The following CBLN2 variants were observed in gnomAD, a reference collection of about 807,000 sequenced individuals.
CBLN2 encodes the protein cerebellin 2 precursor, also known as cerebellin-2.
A neutral mutation model predicts 15.0 loss-of-function variants in CBLN2; 7 were observed. The ratio of observed to expected loss-of-function variants is 0.47; its 90% CI spans 0.27 to 0.88. The LOEUF (loss-of-function observed/expected upper bound fraction) is 0.88, where lower values mean the gene tolerates loss of function less well. CBLN2 is among the 40% of genes least tolerant of loss of function. The pLI, the probability that CBLN2 is intolerant of heterozygous loss-of-function variation, is 0.14. For missense variants in CBLN2, 242 were observed against 304.5 expected (o/e 0.79, Z 1.53); for synonymous variants, 149 against 135.2 (o/e 1.10, Z -0.71).
At chr18:72,565,889 G>A (rs1197710288) in intron 1 of CBLN2, among the ~76,000 whole-genome samples, 3 of 152,076 alleles carry the variant, frequency 2.0e-5, no homozygotes, top group African/African-American at 7.2e-5. Context: ...CCTATAGAAT[G>A]GGAGAATATA....
chr18:72,594,925 T>A (rs535169706), intron 1 of CBLN2, among the ~76,000 whole-genome samples: 1 of 152,094 alleles, frequency 6.6e-6, no homozygotes, highest in South Asian at 2.1e-4. Flanking sequence ...TCTTCACTTC[T>A]TAGTCTTGGT....
intron 1 of CBLN2, among the ~76,000 whole-genome samples, chr18:72,596,882 T>C (rs2069517274): frequency 6.6e-6 from 1 of 152,174 alleles, no homozygotes. Flanking sequence ...GAATAGCAAA[T>C]GCCTTGGTAG....
At chr18:72,586,413 G>A (rs1351307283) in intron 1 of CBLN2, among the ~76,000 whole-genome samples, 2 of 152,146 alleles carry the variant, frequency 1.3e-5, no homozygotes, top group Non-Finnish European at 2.9e-5. Context: ...TACCAACACT[G>A]TTATGTCCAA....
chr18:72,637,568 T>C (rs1396394807), intron 1 of CBLN2, among the ~76,000 whole-genome samples: 1 of 152,220 alleles, frequency 6.6e-6, no homozygotes, highest in African/African-American at 2.4e-5. Flanking sequence ...AAGACTTTTC[T>C]TGTCAACACA....
chr18:72,611,342 C>A (rs1008394146), intron 1 of CBLN2, among the ~76,000 whole-genome samples: 2 of 152,138 alleles, frequency 1.3e-5, no homozygotes, highest in African/African-American at 2.4e-5. Flanking sequence ...TGGTCTGAAC[C>A]AATTGACATT....
chr18:72,595,640 C>T (rs548802347), intron 1 of CBLN2, among the ~76,000 whole-genome samples: 25 of 152,126 alleles, frequency 1.6e-4, no homozygotes, highest in Middle Eastern at 3.4e-3. Flanking sequence ...GGGCTGTTGT[C>T]GTACTGGGGT....
In CBLN2 at chr18:72,538,086, G is replaced by A. The variant is rs900616251; in HGVS notation, c.*90C>T. ...ACAGTCTGACGGAGGTTGGAAACAA[G>A]GTGTCCAATTCCAGTAAGTTCAGGG... On this transcript the variant is annotated 3_prime_UTR_variant, in exon 5 of 5. Coordinates refer to ENST00000269503, the MANE Select transcript of CBLN2 (RefSeq NM_182511.4). The A allele has an allele frequency of 3.2e-6, 4 of 1,257,522 alleles. No individual in the cohort carries two copies. Among genetic ancestry groups the A allele is most frequent in the Non-Finnish European group, 4.6e-6 (4 of 866,418 alleles). The allele number at this position is 1,257,522 out of a possible 1,614,324, so 77.9% of individuals were successfully genotyped here.
Position 72,541,941 on chromosome 18 carries a change from C to T in CBLN2, c.220G>A (p.Ala74Thr), listed in dbSNP as rs2069115712. 6.2e-7 allele frequency: 1 copy of T among 1,608,016 alleles called. No homozygotes were observed. The highest frequency in any genetic ancestry group is 8.5e-7 in the Non-Finnish European group (1 of 1,179,532). The change falls in exon 3 of 5, where the codon GCG becomes ACG. Residue 74 changes from alanine (A) to threonine (T), a missense_variant. Around this residue, in one of 4 missense-constraint regions of CBLN2, gnomAD observed 89 missense variants for 114.2 expected, o/e 0.78. Coordinates refer to ENST00000269503, the MANE Select transcript of CBLN2 (RefSeq NM_182511.4). ...CLVVCDSSPS[A>T]DGAVTSSLGI... ...AGGGAGGAGGTGACGGCGCCGTCCG[C>T]CGACGGGCTGGAGTCGCACACCACC...
intron 1 of CBLN2, among the ~76,000 whole-genome samples, chr18:72,605,077 TAA>T (rs2069574559): frequency 1.3e-5 from 2 of 152,238 alleles, no homozygotes; most frequent in Admixed American, 1.3e-4. Flanking sequence ...TTGTCATATC[TAA>T]ACACTTGACC....
chr18:72,559,927 C>G (rs2069249479), intron 1 of CBLN2, among the ~76,000 whole-genome samples: 1 of 152,212 alleles, frequency 6.6e-6, no homozygotes, highest in Non-Finnish European at 1.5e-5. Context: ...CTCGGTGACA[C>G]TTGTTAATTT....
intron 1 of CBLN2, among the ~76,000 whole-genome samples, chr18:72,574,816 AC>A (rs2069354323): frequency 6.6e-6 from 1 of 152,242 alleles, no homozygotes; most frequent in South Asian, 2.1e-4. Context: ...TGTCATGATT[AC>A]CATGAATCGC....
intron 1 of CBLN2, among the ~76,000 whole-genome samples, chr18:72,614,995 G>A (rs932162589): frequency 2.1e-5 from 3 of 144,040 alleles, no homozygotes; most frequent in Non-Finnish European, 3.0e-5. Context: ...ACATAACATA[G>A]GTGGGCTGTT....
At chr18:72,606,980 C>T (rs535763350) in intron 1 of CBLN2, among the ~76,000 whole-genome samples, 1 of 152,290 alleles carries the variant, frequency 6.6e-6, no homozygotes, top group African/African-American at 2.4e-5. Flanking sequence ...ATCCCCAGAA[C>T]CTTGGAATGT....
At chr18:72,616,617 A>G (rs754819110) in intron 1 of CBLN2, among the ~76,000 whole-genome samples, 6 of 151,982 alleles carry the variant, frequency 3.9e-5, no homozygotes, top group Non-Finnish European at 8.8e-5. Flanking sequence ...TTTTTCCATT[A>G]TTGTGTGAGC....
chr18:72,573,897 A>T (rs1338212976), intron 1 of CBLN2, among the ~76,000 whole-genome samples: 4 of 152,204 alleles, frequency 2.6e-5, no homozygotes, highest in Admixed American at 1.3e-4. Context: ...TTTTCATTCC[A>T]ATCAGCAATA....
chr18:72,541,777 G>T, intron 3 of CBLN2, 27 bp downstream of exon 3: 1 of 1,503,840 alleles, frequency 6.6e-7, no homozygotes, highest in Non-Finnish European at 8.9e-7. Flanking sequence ...CCGGGCTGGG[G>T]GCGGGGTGGG....
intron 1 of CBLN2, among the ~76,000 whole-genome samples, chr18:72,556,383 T>C (rs2069227112): frequency 6.6e-6 from 1 of 152,200 alleles, no homozygotes; most frequent in Non-Finnish European, 1.5e-5. Context: ...TATCAGTGAA[T>C]TTTCTGCCAC....
intron 1 of CBLN2, among the ~76,000 whole-genome samples, chr18:72,589,906 G>A (rs372264124): frequency 3.3e-5 from 5 of 152,186 alleles, no homozygotes; most frequent in African/African-American, 4.8e-5. Context: ...GCCGAGGTGA[G>A]CAGATCACTT....
intron 3 of CBLN2, among the ~76,000 whole-genome samples, chr18:72,540,830 G>A (rs566273901): frequency 2.6e-5 from 4 of 152,306 alleles, no homozygotes; most frequent in South Asian, 2.1e-4. Context: ...AATTAAACAC[G>A]TACAGTAAGC....
Sources: allele counts gnomAD v4.1 joint callset (sites outside exome capture counted in the v4.1 genomes callset), GRCh38; gene constraint gnomAD v4.1.1; regional missense constraint gnomAD v4.1.1; transcripts MANE v1.5; gene names NCBI Gene and HGNC (gene_info 2026-07-23, HGNC 2026-07-21).